Variants in DISC1 observed in about 807,000 individuals in gnomAD.
DISC1 encodes DISC1 scaffold protein, also known as disrupted in schizophrenia 1 protein.
DISC1 carries 57 observed loss-of-function variants against 84.5 expected under a neutral mutation model. That is an observed-to-expected ratio of 0.67 (90% CI 0.55 to 0.84). The LOEUF is 0.84. Among genes scored for constraint, DISC1 ranks in the 40% least tolerant of loss-of-function variants. The pLI, the probability that DISC1 is intolerant of heterozygous loss-of-function variation, is 0.00. For synonymous variants in DISC1, 411 were observed against 415.2 expected, an observed-to-expected ratio of 0.99 and a Z score of 0.12; for missense variants, 1,000 against 1,057.8, an observed-to-expected ratio of 0.95 and a Z score of 0.76.
intron 9 of DISC1, among the ~76,000 whole-genome samples, chr1:231,852,750 A>G (rs752515383): frequency 3.9e-5 from 6 of 152,250 alleles, no homozygotes; most frequent in Non-Finnish European, 8.8e-5. Context: ...ATGGGTGCCA[A>G]TTCCATCTTC....
chr1:231,760,850 G>C (rs1167597400), intron 4 of DISC1, among the ~76,000 whole-genome samples: 1 of 152,190 alleles, frequency 6.6e-6, no homozygotes, highest in Admixed American at 6.5e-5. Context: ...TGAGTGCTGG[G>C]CTGGGAAGGA....
intron 10 of DISC1, among the ~76,000 whole-genome samples, chr1:231,991,382 A>G (rs2806468): frequency 0.44 from 66,289 of 152,118 alleles, 16,522 homozygotes; most frequent in African/African-American, 0.69. Context: ...GCTGAGAGGC[A>G]ATTTACGAGG....
At chr1:231,676,419 A>G (rs2063161687) in intron 1 of DISC1, among the ~76,000 whole-genome samples, 1 of 152,154 alleles carries the variant, frequency 6.6e-6, no homozygotes, top group Non-Finnish European at 1.5e-5. Context: ...TCCAGCCTCC[A>G]CTTCTACACA....
intron 9 of DISC1, among the ~76,000 whole-genome samples, chr1:231,833,123 C>T (rs530700888): frequency 4.8e-4 from 72 of 149,496 alleles, no homozygotes; most frequent in Middle Eastern, 3.4e-3. Context: ...CAATGAGATT[C>T]AGCTGTAGTC....
At chr1:231,667,226 C>G (rs1169167783) in intron 1 of DISC1, among the ~76,000 whole-genome samples, 1 of 152,334 alleles carries the variant, frequency 6.6e-6, no homozygotes, top group East Asian at 1.9e-4. Flanking sequence ...TTGGATAAAT[C>G]TGGGGCAGTC....
At position 231,626,906 on chromosome 1, in the gene DISC1, C is replaced by T. The variant is rs761828898; in HGVS notation, c.39C>T (p.Ala13=). 5.3e-6 allele frequency: 8 copies of T among 1,496,822 alleles called. No homozygotes were observed. In the East Asian group the frequency reaches 7.9e-5, roughly 15 times the overall value. The allele number at this position is 1,496,822 out of a possible 1,614,324, so 92.7% of individuals were successfully genotyped here. A position where few individuals can be genotyped will look rare whatever the true frequency, so the allele number is the denominator to read the frequency against. ...GTCCTCAGGGCGCCCCAGCCGCCGC[C>T]GGCGGCGGCGGCGTGAGCCACCGCG... ...GGGPQGAPAA[A]GGGGVSHRAG... Residue 13 remains alanine (A), a synonymous_variant, in exon 1 of 13, where the codon GCC becomes GCT. Coordinates refer to ENST00000439617, the MANE Select transcript of DISC1 (RefSeq NM_018662.3).
chr1:231,746,670 A>G (rs2074017933), intron 3 of DISC1, among the ~76,000 whole-genome samples: 2 of 152,142 alleles, frequency 1.3e-5, no homozygotes, highest in African/African-American at 2.4e-5. Context: ...GGGTGAGATG[A>G]TACCTCATTG....
intron 1 of DISC1, among the ~76,000 whole-genome samples, chr1:231,682,302 CA>C (rs1320656635): frequency 6.6e-6 from 1 of 152,148 alleles, no homozygotes; most frequent in East Asian, 1.9e-4. Context: ...TTCCCTTTGG[CA>C]CATCTGTTTT....
At chr1:232,035,863 A>G (rs1384052552) in intron 12 of DISC1, among the ~76,000 whole-genome samples, 2 of 152,162 alleles carry the variant, frequency 1.3e-5, no homozygotes, top group African/African-American at 4.8e-5. Flanking sequence ...GAACACCCAG[A>G]CGAGAACCCG....
intron 1 of DISC1, among the ~76,000 whole-genome samples, chr1:231,687,310 C>T (rs971330414): frequency 2.0e-5 from 3 of 152,180 alleles, no homozygotes; most frequent in Non-Finnish European, 4.4e-5. Context: ...ATTGGACTTA[C>T]AGTTCCACAT....
intron 3 of DISC1, 122 bp downstream of exon 3, chr1:231,702,146 A>G: frequency 6.9e-7 from 1 of 1,459,510 alleles, no homozygotes; most frequent in Non-Finnish European, 9.0e-7. Context: ...GATCATCTCT[A>G]CCAGGGAATA....
chr1:231,809,164 C>T (rs1398838108), intron 8 of DISC1, among the ~76,000 whole-genome samples: 2 of 152,194 alleles, frequency 1.3e-5, no homozygotes, highest in Non-Finnish European at 2.9e-5. Context: ...TATCTCTCGC[C>T]ACTGGCTTGA....
Position 231,694,053 on chromosome 1 carries a change from G to A in DISC1, c.295G>A (p.Val99Ile). The change falls in exon 2 of 13, where the codon GTT (valine) becomes ATT (isoleucine). Residue 99 changes from valine to isoleucine, a missense_variant. Transcript: ENST00000439617. Reference protein sequence around the residue: ...DSRGLLVRSPVSKSAAAPTVT... With the variant: ...DSRGLLVRSPISKSAAAPTVT... ...GAGAGGCCTCTTGGTCCGGAGCCCT[G>A]TTTCCAAGAGTGCAGCAGCCCCTAC... 6.2e-7 allele frequency: 1 copy of A among 1,614,212 alleles called. No homozygotes were observed. Among genetic ancestry groups the A allele is most frequent in the Non-Finnish European group, 8.5e-7 (1 of 1,180,024 alleles).
At chr1:231,924,969 T>G (rs930875299) in intron 9 of DISC1, among the ~76,000 whole-genome samples, 4 of 151,882 alleles carry the variant, frequency 2.6e-5, no homozygotes, top group African/African-American at 9.7e-5. Context: ...TTTTTTTTTT[T>G]TTTAAATGAT....
At chr1:231,808,004 C>T (rs2079888795) in intron 8 of DISC1, among the ~76,000 whole-genome samples, 1 of 152,110 alleles carries the variant, frequency 6.6e-6, no homozygotes. Context: ...TTTTTCTTTG[C>T]ATTCCCAATG....
chr1:231,953,986 A>G (rs1658943978), intron 9 of DISC1, among the ~76,000 whole-genome samples: 1 of 152,210 alleles, frequency 6.6e-6, no homozygotes, highest in Non-Finnish European at 1.5e-5. Context: ...CCCTTATGCA[A>G]GGGATACAAT....
intron 1 of DISC1, among the ~76,000 whole-genome samples, chr1:231,680,988 T>C (rs2063631081): frequency 6.6e-6 from 1 of 152,208 alleles, no homozygotes. Context: ...AGTTGTTTAG[T>C]TGTTTTGAAA....
rs571133340 is a variant in DISC1 at position 231,835,315 on chromosome 1, C to T, written c.1981+16798C>T. Among the ~76,000 whole-genome samples the T allele has an allele frequency of 2.3e-3, 356 of 152,108 alleles. 2 individuals are homozygous for T. The highest frequency in any genetic ancestry group is 7.6e-3 in the African/African-American group (317 of 41,474). On this transcript the variant is annotated intron_variant, in intron 9 of 12. Transcript: ENST00000439617. ...GCTGTTTATTTCACCTGGGTGCAAG[C>T]GGGCTGAGTCCGAAAAGAGAGTCAG...
At chr1:231,637,108 T>A (rs975948757) in intron 1 of DISC1, among the ~76,000 whole-genome samples, 1 of 152,212 alleles carries the variant, frequency 6.6e-6, no homozygotes, top group African/African-American at 2.4e-5. Flanking sequence ...TCCAGCTTCA[T>A]CCATGTCCCT....
Sources: allele counts gnomAD v4.1 joint callset (sites outside exome capture counted in the v4.1 genomes callset), GRCh38; gene constraint gnomAD v4.1.1; transcripts MANE v1.5; gene names NCBI Gene and HGNC (gene_info 2026-07-23, HGNC 2026-07-21).